The following QRICH1 variants were observed in gnomAD, a reference collection of about 807,000 sequenced individuals.
The protein encoded by QRICH1 is glutamine rich 1, also known as transcriptional regulator QRICH1.
QRICH1 carries 16 observed loss-of-function variants against 87.1 expected under a neutral mutation model. That is an observed-to-expected ratio of 0.18 (90% CI 0.12 to 0.28). The LOEUF is 0.28. Among genes scored for constraint, QRICH1 ranks in the 10% least tolerant of loss-of-function variants. QRICH1 has a pLI of 1.00. For synonymous variants in QRICH1, 367 were observed against 368.4 expected, an observed-to-expected ratio of 1.00 and a Z score of 0.05; for missense variants, 647 against 951.7, an observed-to-expected ratio of 0.68 and a Z score of 4.21.
chr3:49,065,329 G>A (rs907783927), intron 2 of QRICH1, among the ~76,000 whole-genome samples: 4 of 152,016 alleles, frequency 2.6e-5, no homozygotes, highest in African/African-American at 9.7e-5. Context: ...ATTTTTAGTA[G>A]AGACAGGTTT....
At chr3:49,062,206 A>G (rs2093438984) in intron 2 of QRICH1, among the ~76,000 whole-genome samples, 1 of 151,908 alleles carries the variant, frequency 6.6e-6, no homozygotes, top group Non-Finnish European at 1.5e-5. Context: ...GTGGTTACAC[A>G]TGCTTGTAAT....
intron 3 of QRICH1, among the ~76,000 whole-genome samples, chr3:49,048,379 C>A (rs1316152883): frequency 6.6e-6 from 1 of 151,666 alleles, no homozygotes; most frequent in East Asian, 1.9e-4. Flanking sequence ...GATCCGCCCT[C>A]CTCAGCCTCC....
rs567743356 is a variant in QRICH1, at chr3:49,045,424, T to C, written c.1672-920A>G. Among the ~76,000 whole-genome samples, 5 of 152,048 alleles carry C rather than the reference T, an allele frequency of 3.3e-5. No individual in the cohort carries two copies. The South Asian group carries it at 1.0e-3, about 32-fold the overall frequency. On this transcript the variant is annotated intron_variant, in intron 5 of 9. Transcript: ENST00000395443. The stretch of plus-strand genomic sequence containing the variant: ...TAATGTTTGTTTTCCTATTTTATTA[T>C]TTATTTTATGTATTTATTTTTTAAG...
intron 1 of QRICH1, among the ~76,000 whole-genome samples, chr3:49,080,966 CA>C (rs34230924): frequency 9.9e-3 from 246 of 24,802 alleles, no homozygotes; most frequent in African/African-American, 0.039. Flanking sequence ...AACTCCATCT[CA>C]AAAAAAAAAA....
At chr3:49,030,782 ACCACACACTACAT>A (rs2093232140) in intron 9 of QRICH1, 138 bp from the exon 10 acceptor site, 2 of 733,158 alleles carry the variant, frequency 2.7e-6, no homozygotes, top group African/African-American at 3.6e-5. Flanking sequence ...CCATGCAGCC[ACCACACACTACAT>A]CCTGGTCCTC....
chr3:49,030,370 A>G lies in QRICH1; in HGVS notation c.*82T>C. Reference sequence around the variant, plus strand: ...ACTACACCAATAAAAAAAAGAAAAAAAAAAATGGAGGCCTCTTCTTTAGTG... The same window carrying G: ...ACTACACCAATAAAAAAAAGAAAAAGAAAAATGGAGGCCTCTTCTTTAGTG... On this transcript the variant is annotated 3_prime_UTR_variant, in exon 10 of 10. Transcript: ENST00000395443. The G allele has an allele frequency of 1.5e-6, 2 of 1,376,346 alleles. No homozygotes were observed. The highest frequency in any genetic ancestry group is 2.0e-6 in the Non-Finnish European group (2 of 1,008,016). 85.3% of individuals were successfully genotyped at this position (1,376,346 alleles called of 1,614,324 possible).
intron 2 of QRICH1, among the ~76,000 whole-genome samples, chr3:49,070,149 T>C (rs985782681): frequency 6.6e-6 from 1 of 152,026 alleles, no homozygotes; most frequent in African/African-American, 2.4e-5. Flanking sequence ...GCAATTCTCC[T>C]GCCTTAGCCT....
intron 6 of QRICH1, among the ~76,000 whole-genome samples, chr3:49,034,810 C>A (rs1400971000): frequency 6.6e-6 from 1 of 152,200 alleles, no homozygotes; most frequent in Non-Finnish European, 1.5e-5. Context: ...TGAAGTCAGT[C>A]AGTATGCACA....
chr3:49,039,618 CAAAAAAAAAAAAA>C (rs899570014), intron 6 of QRICH1, among the ~76,000 whole-genome samples: 24 of 16,376 alleles, frequency 1.5e-3, no homozygotes, highest in African/African-American at 3.6e-3. Context: ...GACTCCATCT[CAAAAAAAAAAAAA>C]AAAAAAAAAA....
intron 6 of QRICH1, among the ~76,000 whole-genome samples, chr3:49,036,174 A>T (rs759505610): frequency 9.9e-4 from 151 of 152,058 alleles, no homozygotes; most frequent in Non-Finnish European, 1.6e-3. Context: ...GGCTATAGAT[A>T]AAAAAAACCT....
rs148767798 is a variant in QRICH1 at position 49,034,802 on chromosome 3, A to C, written c.1787-1574T>G. 6.4e-3 allele frequency among the ~76,000 whole-genome samples: 981 copies of C among 152,326 alleles called. 12 individuals carry two copies. Among genetic ancestry groups the C allele is most frequent in the African/African-American group, 0.023 (937 of 41,566 alleles). Reference sequence around the variant, plus strand: ...GACTACCAAGCCCCTTCATGTGCTGAAGTCAGTCAGTATGCACATGTTTGT... The same window carrying C: ...GACTACCAAGCCCCTTCATGTGCTGCAGTCAGTCAGTATGCACATGTTTGT... On this transcript the variant is annotated intron_variant, in intron 6 of 9. Transcript: ENST00000395443.
intron 6 of QRICH1, among the ~76,000 whole-genome samples, chr3:49,035,154 C>G (rs181551807): frequency 5.9e-5 from 9 of 152,276 alleles, no homozygotes; most frequent in Admixed American, 2.0e-4. Context: ...CAGCCCTTCT[C>G]AGCAAAGAAG....
chr3:49,046,667 G>C, intron 4 of QRICH1, 88 bp from the exon 5 acceptor site: 2 of 1,407,740 alleles, frequency 1.4e-6, no homozygotes, highest in Non-Finnish European at 1.9e-6. Context: ...AGGGTGCTGG[G>C]ATAGAAATGC....
At chr3:49,043,101 G>A (rs1230314854) in intron 6 of QRICH1, among the ~76,000 whole-genome samples, 1 of 152,136 alleles carries the variant, frequency 6.6e-6, no homozygotes, top group Non-Finnish European at 1.5e-5. Flanking sequence ...ACATGTTATT[G>A]ATAGGAGAAA....
intron 9 of QRICH1, 72 bp downstream of exon 9, chr3:49,032,111 C>T: frequency 8.1e-7 from 1 of 1,233,498 alleles, no homozygotes; most frequent in Middle Eastern, 1.9e-4. Context: ...GATAAGTGAT[C>T]ACACAAGTGA....
At chr3:49,083,325 T>C (rs943097235) in intron 1 of QRICH1, 6 of 151,392 alleles carry the variant, frequency 4.0e-5, no homozygotes, top group African/African-American at 1.5e-4. Flanking sequence ...TGGGCTATAG[T>C]GCTCTATGCC....
At chr3:49,079,088 A>G (rs2042008402) in intron 1 of QRICH1, among the ~76,000 whole-genome samples, 1 of 152,104 alleles carries the variant, frequency 6.6e-6, no homozygotes, top group Admixed American at 6.6e-5. Context: ...TATAAAAATT[A>G]ACTGGGTATG....
intron 8 of QRICH1, 132 bp downstream of exon 8, chr3:49,032,490 G>T: frequency 8.1e-7 from 1 of 1,236,238 alleles, no homozygotes; most frequent in Non-Finnish European, 1.1e-6. Context: ...TTTTTGGCTG[G>T]GGAGAAGGGA....
At chr3:49,053,381 G>T (rs549803454) in intron 3 of QRICH1, among the ~76,000 whole-genome samples, 2 of 151,620 alleles carry the variant, frequency 1.3e-5, no homozygotes, top group South Asian at 4.2e-4. Flanking sequence ...CCAGCTACTC[G>T]GGAGGCTGAG....
Sources: allele counts gnomAD v4.1 joint callset (sites outside exome capture counted in the v4.1 genomes callset), GRCh38; gene constraint gnomAD v4.1.1; transcripts MANE v1.5; gene names NCBI Gene and HGNC (gene_info 2026-07-23, HGNC 2026-07-21).